The following GPAT4 variants were observed in gnomAD, a reference collection of about 807,000 sequenced individuals.
GPAT4 encodes 1-AGP acyltransferase 6.
A neutral mutation model predicts 58.0 loss-of-function variants in GPAT4; 17 were observed. That is an observed-to-expected ratio of 0.29 (90% CI 0.20 to 0.44). The LOEUF is 0.44. Among genes scored for constraint, GPAT4 ranks in the 20% least tolerant of loss-of-function variants. GPAT4 has a pLI of 1.00. For synonymous variants in GPAT4, 204 were observed against 210.1 expected (o/e 0.97, Z 0.25); for missense variants, 377 against 574.5 (o/e 0.66, Z 3.51).
chr8:41,584,145 C>T (rs1188355298), intron 1 of GPAT4, among the ~76,000 whole-genome samples: 1 of 152,162 alleles, frequency 6.6e-6, no homozygotes, highest in African/African-American at 2.4e-5. Context: ...GATCCGCCCA[C>T]CTCGGCCTCC....
chr8:41,599,425 A>G, intron 2 of GPAT4, 121 bp downstream of exon 2: 2 of 1,228,772 alleles, frequency 1.6e-6, no homozygotes, highest in East Asian at 4.9e-5. Flanking sequence ...GGAGAATGGG[A>G]AGTGGCTTTT....
intron 1 of GPAT4, among the ~76,000 whole-genome samples, chr8:41,585,373 C>T (rs1481393394): frequency 6.6e-6 from 1 of 151,230 alleles, no homozygotes; most frequent in Non-Finnish European, 1.5e-5. Flanking sequence ...GCCTCTGTTA[C>T]CAGCCATTCC....
Position 41,624,721 on chromosome 8 carries a change from A to T in GPAT4, c.*3720A>T, listed in dbSNP as rs936799162. The T allele has an allele frequency of 6.6e-6, 1 of 152,128 alleles. No individual in the cohort carries two copies. Among genetic ancestry groups the T allele is most frequent in the Non-Finnish European group, 1.5e-5 (1 of 68,032 alleles). 9.4% of individuals were successfully genotyped at this position (152,128 alleles called of 1,614,324 possible). On this transcript the variant is annotated 3_prime_UTR_variant, in exon 13 of 13. Coordinates refer to ENST00000396987, the MANE Select transcript of GPAT4 (RefSeq NM_178819.4). ...TCTCTCTCCGATGGGAAAGTTAATA[A>T]ATTTTGCTCTAGATTAAAAGTATTG...
intron 1 of GPAT4, among the ~76,000 whole-genome samples, chr8:41,581,625 CT>C (rs567790530): frequency 0.01 from 1,118 of 110,546 alleles, 9 homozygotes; most frequent in African/African-American, 0.03. Context: ...CCTTTGTTGA[CT>C]TTTTTTTTTT....
intron 8 of GPAT4, among the ~76,000 whole-genome samples, chr8:41,614,152 C>T (rs1159784636): frequency 6.6e-6 from 1 of 152,062 alleles, no homozygotes; most frequent in Admixed American, 6.5e-5. Flanking sequence ...ATTGGTGCTC[C>T]GATGTTCGCA....
intron 1 of GPAT4, among the ~76,000 whole-genome samples, chr8:41,588,615 G>C (rs139942609): frequency 6.6e-6 from 1 of 150,594 alleles, no homozygotes; most frequent in African/African-American, 2.5e-5. Context: ...ACAACTTTTT[G>C]TGTGCTTGTT....
intron 5 of GPAT4, among the ~76,000 whole-genome samples, chr8:41,611,500 G>C (rs1452951849): frequency 2.0e-5 from 3 of 152,258 alleles, no homozygotes; most frequent in African/African-American, 7.2e-5. Context: ...GGTTTTGTCT[G>C]TTTGTGTGAA....
intron 2 of GPAT4, among the ~76,000 whole-genome samples, chr8:41,600,108 G>A (rs1180236463): frequency 4.4e-5 from 6 of 137,566 alleles, no homozygotes; most frequent in South Asian, 2.3e-4. Flanking sequence ...GCGCAATCAC[G>A]GCTCACTGCA....
At chr8:41,596,921 G>A (rs993271121) in intron 1 of GPAT4, among the ~76,000 whole-genome samples, 4 of 152,166 alleles carry the variant, frequency 2.6e-5, no homozygotes, top group African/African-American at 9.7e-5. Context: ...AACTCCAAGG[G>A]GGTCCGCATG....
At chr8:41,593,312 G>A (rs2150487512) in intron 1 of GPAT4, among the ~76,000 whole-genome samples, 1 of 152,238 alleles carries the variant, frequency 6.6e-6, no homozygotes, top group Non-Finnish European at 1.5e-5. Context: ...ACCTTGTACT[G>A]TGTGGCATTA....
intron 3 of GPAT4, 68 bp downstream of exon 3, chr8:41,609,553 C>A: frequency 1.2e-6 from 2 of 1,600,154 alleles, no homozygotes; most frequent in Non-Finnish European, 1.7e-6. Flanking sequence ...GCTTCTGGTG[C>A]CACACACGCT....
chr8:41,581,984 A>T (rs1585644621), intron 1 of GPAT4, among the ~76,000 whole-genome samples: 1 of 131,494 alleles, frequency 7.6e-6, no homozygotes, highest in East Asian at 2.4e-4. Flanking sequence ...AATCAAGGGA[A>T]GTTCAATGAT....
chr8:41,604,463 G>C (rs150555198), intron 2 of GPAT4, among the ~76,000 whole-genome samples: 283 of 152,308 alleles, frequency 1.9e-3, no homozygotes, highest in Middle Eastern at 0.01. Context: ...TGTGTGCAGA[G>C]AGCAGCATGT....
chr8:41,600,781 G>T (rs1456916818), intron 2 of GPAT4, among the ~76,000 whole-genome samples: 1 of 152,082 alleles, frequency 6.6e-6, no homozygotes, highest in African/African-American at 2.4e-5. Context: ...GCCAGCCCTG[G>T]CAACCACAGT....
Position 41,612,847 on chromosome 8 carries a change from G to T in GPAT4, c.798G>T (p.Val266=). The part of the protein sequence containing the change: ...ILASDGYYAM[V]GQVHGGLMGV... The stretch of plus-strand genomic sequence containing the variant: ...ATGAGTCCTGTGCCTGCGCTTAGGT[G>T]GGTCAAGTGCACGGGGGACTCATGG... Residue 266 remains valine (V), a splice_region_variant and synonymous_variant, in exon 8 of 13, where the codon GTG becomes GTT. Coordinates refer to ENST00000396987, the MANE Select transcript of GPAT4 (RefSeq NM_178819.4). 1.9e-6 allele frequency: 3 copies of T among 1,613,802 alleles called. No individual in the cohort carries two copies. Among genetic ancestry groups the T allele is most frequent in the Non-Finnish European group, 2.5e-6 (3 of 1,179,834 alleles).
In GPAT4 at chr8:41,622,285, G is replaced by T; in HGVS notation, c.*1284G>T. The T allele has an allele frequency of 1.3e-5, 1 of 78,684 alleles. No individual in the cohort carries two copies. Among genetic ancestry groups the T allele is most frequent in the East Asian group, 3.4e-4 (1 of 2,980 alleles). 4.9% of individuals were successfully genotyped at this position (78,684 alleles called of 1,614,324 possible). On this transcript the variant is annotated 3_prime_UTR_variant, in exon 13 of 13. Coordinates refer to ENST00000396987, the MANE Select transcript of GPAT4 (RefSeq NM_178819.4). ...GTGCTGCATGGTGGCTTCTGCAGGG[G>T]AGGGACAGGGGAGGGCTGCAGAGGG...
At chr8:41,590,720 G>T (rs1192841362) in intron 1 of GPAT4, among the ~76,000 whole-genome samples, 1 of 152,180 alleles carries the variant, frequency 6.6e-6, no homozygotes. Context: ...TCAGAACTAG[G>T]AACTAGGGTT....
chr8:41,609,254 C>T (rs1803368097), intron 2 of GPAT4, among the ~76,000 whole-genome samples, 162 bp from the exon 3 acceptor site: 1 of 152,252 alleles, frequency 6.6e-6, no homozygotes, highest in African/African-American at 2.4e-5. Context: ...GAAGGGGCTG[C>T]TCTGGGGAGA....
In GPAT4 at chr8:41,598,295, T is replaced by C. The variant is rs569718181; in HGVS notation, c.-845T>C. Reference sequence around the variant, plus strand: ...TGTTTCTGTTTCCCTCCCCCAGCTTTGGCAGCATGTAAGCAGCTGTTTGCC... The same window carrying C: ...TGTTTCTGTTTCCCTCCCCCAGCTTCGGCAGCATGTAAGCAGCTGTTTGCC... On this transcript the variant is annotated 5_prime_UTR_variant, in exon 2 of 13. Transcript: ENST00000396987. 6.6e-6 allele frequency: 1 copy of C among 152,442 alleles called. No homozygotes were observed. Among genetic ancestry groups the C allele is most frequent in the African/African-American group, 2.4e-5 (1 of 41,600 alleles). 9.4% of individuals were successfully genotyped at this position (152,442 alleles called of 1,614,324 possible). A position where few individuals can be genotyped will look rare whatever the true frequency, so the allele number is the denominator to read the frequency against.
Sources: gnomAD v4.1 joint callset for allele counts (sites outside exome capture counted in the v4.1 genomes callset) on GRCh38, gnomAD v4.1.1 for gene constraint, MANE v1.5 for transcripts, NCBI Gene and HGNC (gene_info 2026-07-23, HGNC 2026-07-21) for gene names.